FBXO4: variants seen among roughly 807,000 people sequenced by gnomAD.
The protein encoded by FBXO4 is F-box protein 4.
A neutral mutation model predicts 43.7 loss-of-function variants in FBXO4; 36 were observed. The observed-to-expected ratio is 0.82, with a 90% confidence interval of 0.63 to 1.09. The LOEUF (loss-of-function observed/expected upper bound fraction) is 1.09, where lower values mean the gene tolerates loss of function less well. FBXO4 is among the 50% of genes least tolerant of loss of function. The pLI is 0.00. For synonymous variants in FBXO4, 180 were observed against 165.6 expected (o/e 1.09, Z -0.67); for missense variants, 435 against 474.1 (o/e 0.92, Z 0.77).
chr5:42,012,612 G>T, the FBXO4 span, among the ~76,000 whole-genome samples: 25 of 152,250 alleles, frequency 1.6e-4, no homozygotes, highest in African/African-American at 6.0e-4. Context: ...GGTCAAGCAA[G>T]CCTTATGTCA....
chr5:41,999,467 AT>A, the FBXO4 span, among the ~76,000 whole-genome samples: 1 of 22,674 alleles, frequency 4.4e-5, no homozygotes, highest in African/African-American at 1.7e-4. Context: ...GTGTGTGTGT[AT>A]ATATATATAC....
At position 41,941,045 on chromosome 5, in the gene FBXO4, A is replaced by G. The variant is rs1349773065; in HGVS notation, c.1075-147A>G. The G allele has an allele frequency of 5.5e-6, 3 of 540,604 alleles. No homozygotes were observed. The East Asian group carries it at 8.9e-5, about 16-fold the overall frequency. The allele number at this position is 540,604 out of a possible 1,614,324, so 33.5% of individuals were successfully genotyped here. On this transcript the variant is annotated intron_variant, in intron 6 of 6. Transcript: ENST00000281623. ...TCATATTTTTATCTAAGTGCTCTAC[A>G]AAACAAAACTTGAGCAACTTATCCA...
intron 2 of FBXO4, 42 bp from the exon 3 acceptor site, chr5:41,929,655 T>A (rs781719413): frequency 1.4e-6 from 2 of 1,413,278 alleles, no homozygotes; most frequent in African/African-American, 2.9e-5. Flanking sequence ...AATAACTGGC[T>A]GTTTTCTGTG....
the FBXO4 span, among the ~76,000 whole-genome samples, chr5:41,982,188 G>T: frequency 4.6e-5 from 7 of 151,966 alleles, no homozygotes; most frequent in Admixed American, 1.3e-4. Context: ...TTTGCTATTG[G>T]GAATAGTGCT....
chr5:41,940,800 G>C (rs1265289917), intron 6 of FBXO4, among the ~76,000 whole-genome samples: 1 of 152,150 alleles, frequency 6.6e-6, no homozygotes, highest in African/African-American at 2.4e-5. Flanking sequence ...TTACCATTAG[G>C]AGGAGTGGCA....
Position 41,925,293 on chromosome 5 carries a change from C to A in FBXO4, c.-17C>A. On this transcript the variant is annotated 5_prime_UTR_variant, in exon 1 of 7. Transcript: ENST00000281623. ...TAGCGTGGCTCTAAGACGCGTCACC[C>A]ACGCTGCGGGCAAGCCATGGCGGGA... The A allele has an allele frequency of 1.5e-6, 2 of 1,325,720 alleles. No homozygotes were observed. The highest frequency in any genetic ancestry group is 2.0e-5 in the South Asian group (1 of 50,910). 82.1% of individuals were successfully genotyped at this position (1,325,720 alleles called of 1,614,324 possible).
chr5:42,010,186 T>C, the FBXO4 span, among the ~76,000 whole-genome samples: 2 of 152,182 alleles, frequency 1.3e-5, no homozygotes, highest in African/African-American at 4.8e-5. Flanking sequence ...GGTTCATCTA[T>C]GCTGTAGCAT....
the FBXO4 span, among the ~76,000 whole-genome samples, chr5:42,038,379 A>T: frequency 1.2e-4 from 19 of 152,180 alleles, no homozygotes; most frequent in African/African-American, 4.3e-4. Flanking sequence ...GGGAAAGGAC[A>T]GTTGAAGCAG....
intron 5 of FBXO4, among the ~76,000 whole-genome samples, chr5:41,937,710 G>A (rs1751884479): frequency 6.6e-6 from 1 of 152,166 alleles, no homozygotes; most frequent in Non-Finnish European, 1.5e-5. Flanking sequence ...CCAAGATTAA[G>A]GCACCAGCAT....
chr5:42,023,500 CTA>C, the FBXO4 span, among the ~76,000 whole-genome samples: 1 of 151,976 alleles, frequency 6.6e-6, no homozygotes, highest in Non-Finnish European at 1.5e-5. Flanking sequence ...GGTACATGGT[CTA>C]TAATAAGCCA....
chr5:41,958,131 A>AT, the FBXO4 span, among the ~76,000 whole-genome samples: 3,807 of 128,804 alleles, frequency 0.03, 72 homozygotes, highest in East Asian at 0.066. Context: ...CTGTTAACAA[A>AT]TTTTTTTTTT....
the FBXO4 span, among the ~76,000 whole-genome samples, chr5:42,017,182 T>A: frequency 6.6e-6 from 1 of 151,824 alleles, no homozygotes; most frequent in Non-Finnish European, 1.5e-5. Flanking sequence ...AAATAAATAG[T>A]AACAACAAAA....
the FBXO4 span, among the ~76,000 whole-genome samples, chr5:41,989,736 A>G: frequency 6.6e-6 from 1 of 152,138 alleles, no homozygotes; most frequent in Non-Finnish European, 1.5e-5. Context: ...TATCATCCCA[A>G]AATAGCTCCC....
chr5:42,029,850 T>G, the FBXO4 span, among the ~76,000 whole-genome samples: 5 of 152,086 alleles, frequency 3.3e-5, no homozygotes, highest in Non-Finnish European at 5.9e-5. Context: ...AATAGAATTC[T>G]GAATTCCTTC....
chr5:42,019,410 C>T, the FBXO4 span, among the ~76,000 whole-genome samples: 1 of 151,894 alleles, frequency 6.6e-6, no homozygotes, highest in Non-Finnish European at 1.5e-5. Context: ...AAAATTAGGC[C>T]AGGTGCAGTG....
downstream of FBXO4, among the ~76,000 whole-genome samples, chr5:41,946,415 A>T (rs893296608): frequency 2.0e-5 from 3 of 152,252 alleles, no homozygotes; most frequent in Non-Finnish European, 4.4e-5. Context: ...GAATCAACAT[A>T]TTAAAACTTT....
At chr5:41,980,350 C>T in the FBXO4 span, among the ~76,000 whole-genome samples, 2 of 152,160 alleles carry the variant, frequency 1.3e-5, no homozygotes, top group Admixed American at 1.3e-4. Flanking sequence ...CTTGTGTTAT[C>T]ATTTCTCCAT....
At chr5:41,974,393 T>G in the FBXO4 span, among the ~76,000 whole-genome samples, 1 of 152,216 alleles carries the variant, frequency 6.6e-6, no homozygotes, top group South Asian at 2.1e-4. Context: ...TTGGATGCTC[T>G]CTTCTTGTTT....
chr5:41,960,173 G>A, the FBXO4 span, among the ~76,000 whole-genome samples: 3 of 151,982 alleles, frequency 2.0e-5, no homozygotes, highest in Admixed American at 6.5e-5. Context: ...TTTTGTTAAC[G>A]TGTAGAAATA....
Sources: gnomAD v4.1 joint callset for allele counts (sites outside exome capture counted in the v4.1 genomes callset) on GRCh38, gnomAD v4.1.1 for gene constraint, MANE v1.5 for transcripts, NCBI Gene and HGNC (gene_info 2026-07-23, HGNC 2026-07-21) for gene names.